TG: variants seen among roughly 807,000 people sequenced by gnomAD.
TG encodes thyroglobulin, also known as thyroid hormones.
A neutral mutation model predicts 324.7 loss-of-function variants in TG; 270 were observed. The ratio of observed to expected loss-of-function variants is 0.83; its 90% confidence interval spans 0.75 to 0.92. The LOEUF (loss-of-function observed/expected upper bound fraction) is 0.92, where lower values mean the gene tolerates loss of function less well. Among genes scored for constraint, TG ranks in the 40% least tolerant of loss-of-function variants. The pLI is 0.00. For synonymous variants in TG, 1,401 were observed against 1,327.0 expected, an observed-to-expected ratio of 1.06 and a Z score of -1.21; for missense variants, 3,591 against 3,456.4, an observed-to-expected ratio of 1.04 and a Z score of -0.98.
At chr8:133,017,622 A>G in intron 37 of TG, 156 bp from the exon 38 acceptor site, 2 of 760,966 alleles carry the variant, frequency 2.6e-6, no homozygotes, top group Non-Finnish European at 4.4e-6. Context: ...ACCTGACTAC[A>G]TTTAAGCTGT....
chr8:133,033,886 A>G (rs1836854202), intron 41 of TG, among the ~76,000 whole-genome samples: 1 of 152,264 alleles, frequency 6.6e-6, no homozygotes, highest in South Asian at 2.1e-4. Context: ...TTCCAATTCT[A>G]CTATGACTAG....
Position 132,908,491 on chromosome 8 carries a change from G to A in TG, c.4002+151G>A, listed in dbSNP as rs1472088244. 1.1e-5 allele frequency: 3 copies of A among 278,686 alleles called. 1 individual carries two copies. In the East Asian group the frequency reaches 1.8e-4, roughly 16 times the overall value. The allele number at this position is 278,686 out of a possible 1,614,324, so 17.3% of individuals were successfully genotyped here. On this transcript the variant is annotated intron_variant, in intron 18 of 47. Coordinates refer to ENST00000220616, the MANE Select transcript of TG (RefSeq NM_003235.5). Reference sequence around the variant, plus strand: ...GAACTAATAGTGAATTCTCTTGGCAGCCTTGAGTTTTCTAGACAGCCACTT... The same window carrying A: ...GAACTAATAGTGAATTCTCTTGGCAACCTTGAGTTTTCTAGACAGCCACTT...
intron 41 of TG, among the ~76,000 whole-genome samples, chr8:133,032,090 T>A (rs905432803): frequency 6.6e-6 from 1 of 152,146 alleles, no homozygotes; most frequent in Non-Finnish European, 1.5e-5. Flanking sequence ...ACAGCACATC[T>A]TAGAGTCCGT....
At chr8:133,049,945 C>T in intron 41 of TG, 2 of 1,613,876 alleles carry the variant, frequency 1.2e-6, no homozygotes, top group African/African-American at 1.3e-5. Flanking sequence ...ATGTAACTCT[C>T]TCGACCAGTG....
chr8:133,019,083 T>A (rs1363451583), intron 38 of TG, among the ~76,000 whole-genome samples: 1 of 152,198 alleles, frequency 6.6e-6, no homozygotes, highest in Non-Finnish European at 1.5e-5. Flanking sequence ...GTCATTGTAG[T>A]CCAGGGCTAG....
In TG at chr8:132,901,368, A is replaced by G; in HGVS notation, c.3449A>G (p.Asn1150Ser). 6.2e-7 allele frequency: 1 copy of G among 1,614,170 alleles called. No homozygotes were observed. Among genetic ancestry groups the G allele is most frequent in the Non-Finnish European group, 8.5e-7 (1 of 1,180,040 alleles). The change falls in exon 16 of 48, where the codon AAT becomes AGT. Residue 1150 changes from asparagine to serine, a missense_variant. By Grantham distance (46) the Asn-to-Ser change is conservative (BLOSUM62 1). Transcript: ENST00000220616. ...SSSAQCPSLC[N>S]VLKSGVLSRR... ...TCTGTGTCAGGCCCAAGCCTCTGCA[A>G]TGTGCTCAAGAGTGGAGTCCTCTCC...
chr8:132,868,311 C>T, intron 2 of TG, 88 bp downstream of exon 2: 1 of 1,180,862 alleles, frequency 8.5e-7, no homozygotes, highest in South Asian at 1.3e-5. Flanking sequence ...GAGCTCTGCC[C>T]TGCAACTCCT....
At chr8:133,034,822 G>T (rs1836934943) in intron 41 of TG, among the ~76,000 whole-genome samples, 1 of 152,076 alleles carries the variant, frequency 6.6e-6, no homozygotes, top group African/African-American at 2.4e-5. Flanking sequence ...AGTAGGGAGG[G>T]GATGGAGAGG....
At chr8:133,114,208 A>G (rs139584946) in intron 44 of TG, among the ~76,000 whole-genome samples, 2 of 152,282 alleles carry the variant, frequency 1.3e-5, no homozygotes, top group Non-Finnish European at 2.9e-5. Flanking sequence ...CCAAGCTCTG[A>G]CAGCCCTGCG....
intron 35 of TG, among the ~76,000 whole-genome samples, chr8:132,991,571 A>T (rs1213386268): frequency 6.6e-6 from 1 of 152,230 alleles, no homozygotes; most frequent in African/African-American, 2.4e-5. Flanking sequence ...GAGGGAGCTC[A>T]TGGTGCATAC....
At chr8:133,110,998 G>A (rs904637308) in intron 43 of TG, among the ~76,000 whole-genome samples, 4 of 152,166 alleles carry the variant, frequency 2.6e-5, no homozygotes, top group African/African-American at 9.7e-5. Context: ...ATTCACATTT[G>A]GAAGATGTCT....
chr8:132,974,685 A>G (rs528453950), intron 34 of TG, among the ~76,000 whole-genome samples: 1 of 152,344 alleles, frequency 6.6e-6, no homozygotes, highest in Admixed American at 6.5e-5. Flanking sequence ...TTGATTAACA[A>G]GAAATTGACT....
At chr8:133,099,202 C>G (rs1848879734) in intron 43 of TG, among the ~76,000 whole-genome samples, 1 of 152,228 alleles carries the variant, frequency 6.6e-6, no homozygotes, top group African/African-American at 2.4e-5. Flanking sequence ...TAGCCCTGCT[C>G]CATGGCGGTC....
At position 133,134,814 on chromosome 8, in the gene TG, A is replaced by G; in HGVS notation, c.*20A>G. On this transcript the variant is annotated 3_prime_UTR_variant, in exon 48 of 48. Coordinates refer to ENST00000220616, the MANE Select transcript of TG (RefSeq NM_003235.5). ...AAGTGACCAGCCCTTGAGCTCCCCAAAAACCTCACCCGAGGCTGCCCACTA... is the reference window on the plus strand; with the variant it reads ...AAGTGACCAGCCCTTGAGCTCCCCAGAAACCTCACCCGAGGCTGCCCACTA... 1 of 1,604,238 alleles carries G rather than the reference A, an allele frequency of 6.2e-7. No individual in the cohort carries two copies. The highest frequency in any genetic ancestry group is 8.5e-7 in the Non-Finnish European group (1 of 1,170,986).
intron 41 of TG, among the ~76,000 whole-genome samples, chr8:133,091,689 T>G (rs1235288190): frequency 1.3e-5 from 2 of 152,178 alleles, no homozygotes; most frequent in East Asian, 3.9e-4. Context: ...TGTGACTGTG[T>G]GTGTTTGTGT....
In TG at chr8:132,941,427, C is replaced by A; in HGVS notation, c.5118C>A (p.Asn1706Lys). The change falls in exon 26 of 48, where the codon AAC becomes AAA. Residue 1706 changes from asparagine to lysine, a missense_variant. Transcript: ENST00000220616. Reference sequence around the variant, plus strand: ...AAAACATGCTTTCTGGATTGTACAACCCCATTGTGTTCTCAGCCTCAGGAG... The same window carrying A: ...AAAACATGCTTTCTGGATTGTACAAACCCATTGTGTTCTCAGCCTCAGGAG... ...GFQNMLSGLY[N>K]PIVFSASGAN... 1 of 1,614,246 alleles carries A rather than the reference C, an allele frequency of 6.2e-7. No individual in the cohort carries two copies. Among genetic ancestry groups the A allele is most frequent in the African/African-American group, 1.3e-5 (1 of 75,058 alleles).
At chr8:132,896,592 G>A (rs78601159) in intron 11 of TG, among the ~76,000 whole-genome samples, 3,348 of 152,282 alleles carry the variant, frequency 0.022, 139 homozygotes, top group African/African-American at 0.078. Context: ...TGGCCACTTA[G>A]GAGGAGGGTG....
At chr8:132,981,496 A>G (rs1830839348) in intron 34 of TG, among the ~76,000 whole-genome samples, 1 of 152,212 alleles carries the variant, frequency 6.6e-6, no homozygotes, top group Non-Finnish European at 1.5e-5. Context: ...GGAAGAACAG[A>G]CATTTTAAAC....
intron 29 of TG, among the ~76,000 whole-genome samples, chr8:132,964,099 C>T (rs73710726): frequency 0.014 from 2,063 of 152,006 alleles, 53 homozygotes; most frequent in African/African-American, 0.048. Flanking sequence ...CTCGGCAGTG[C>T]CTTTGAGGGG....
Sources: gnomAD v4.1 joint callset for allele counts (sites outside exome capture counted in the v4.1 genomes callset) on GRCh38, gnomAD v4.1.1 for gene constraint, MANE v1.5 for transcripts, NCBI Gene and HGNC (gene_info 2026-07-23, HGNC 2026-07-21) for gene names.